PTPN14: variants seen among roughly 807,000 people sequenced by gnomAD.
PTPN14 encodes tyrosine-protein phosphatase non-receptor type 14.
Under a neutral mutation model 126.8 loss-of-function variants are expected in PTPN14, and 53 were observed. The ratio of observed to expected loss-of-function variants is 0.42; its 90% CI spans 0.34 to 0.53. The LOEUF (loss-of-function observed/expected upper bound fraction) is 0.53. Among genes scored for constraint, PTPN14 ranks in the 20% least tolerant of loss-of-function variants. PTPN14 has a pLI of 0.08. For missense variants in PTPN14, 1,257 were observed against 1,552.9 expected (o/e 0.81, Z 3.20); for synonymous variants, 630 against 599.3 (o/e 1.05, Z -0.75).
intron 4 of PTPN14, 130 bp downstream of exon 4, chr1:214,414,499 A>C: frequency 1.2e-6 from 1 of 863,578 alleles, no homozygotes; most frequent in Non-Finnish European, 1.8e-6. Context: ...CACGTAAGAT[A>C]ACTTGAAATA....
At chr1:214,544,699 C>T (rs939756255) in intron 1 of PTPN14, among the ~76,000 whole-genome samples, 5 of 151,518 alleles carry the variant, frequency 3.3e-5, no homozygotes, top group African/African-American at 9.7e-5. Context: ...TGCAGTGAGC[C>T]GAGATAGCAC....
chr1:214,536,888 T>TA (rs894597782), intron 1 of PTPN14, among the ~76,000 whole-genome samples: 1 of 152,170 alleles, frequency 6.6e-6, no homozygotes, highest in Non-Finnish European at 1.5e-5. Context: ...CGCCAACCTA[T>TA]AAAAAACATC....
intron 1 of PTPN14, among the ~76,000 whole-genome samples, chr1:214,506,522 A>AAAATAAATAAAT (rs374058238): frequency 2.7e-5 from 4 of 150,694 alleles, no homozygotes; most frequent in Non-Finnish European, 4.4e-5. Context: ...CTAAAAGAAG[A>AAAATAAATAAAT]AAATAAATAA....
intron 3 of PTPN14, among the ~76,000 whole-genome samples, chr1:214,427,970 G>T (rs1463144326): frequency 1.3e-5 from 2 of 152,206 alleles, no homozygotes; most frequent in African/African-American, 4.8e-5. Context: ...GAAAAGGCAG[G>T]AAGTGGTACA....
chr1:214,427,242 C>T (rs1297558896), intron 3 of PTPN14, among the ~76,000 whole-genome samples: 2 of 131,866 alleles, frequency 1.5e-5, no homozygotes, highest in Admixed American at 1.7e-4. Context: ...CGTGCCACTG[C>T]ACTCCAGCTT....
At chr1:214,509,324 T>G (rs1654914810) in intron 1 of PTPN14, among the ~76,000 whole-genome samples, 1 of 152,228 alleles carries the variant, frequency 6.6e-6, no homozygotes, top group Admixed American at 6.5e-5. Flanking sequence ...AACTTGCACT[T>G]TCATGTTATG....
intron 10 of PTPN14, among the ~76,000 whole-genome samples, chr1:214,392,194 A>C (rs111850497): frequency 5.9e-5 from 9 of 151,364 alleles, no homozygotes; most frequent in Admixed American, 2.0e-4. Flanking sequence ...GAGAGAGAGA[A>C]AGAGAGAGAG....
chr1:214,359,299 C>T (rs534648593), intron 18 of PTPN14, among the ~76,000 whole-genome samples: 7 of 149,916 alleles, frequency 4.7e-5, no homozygotes, highest in South Asian at 2.1e-4. Context: ...CTATAACCTC[C>T]GCCTCCCAGG....
At chr1:214,419,770 T>C (rs1659503022) in intron 3 of PTPN14, among the ~76,000 whole-genome samples, 2 of 152,138 alleles carry the variant, frequency 1.3e-5, no homozygotes, top group Admixed American at 6.5e-5. Flanking sequence ...AAATCTTAGA[T>C]TGACAGAGAT....
intron 1 of PTPN14, among the ~76,000 whole-genome samples, chr1:214,478,054 A>G (rs1660903774): frequency 6.6e-6 from 1 of 152,212 alleles, no homozygotes; most frequent in Non-Finnish European, 1.5e-5. Flanking sequence ...AGTTTTATAT[A>G]TTATTTGCAC....
intron 1 of PTPN14, among the ~76,000 whole-genome samples, chr1:214,490,898 GGAAGGGGAAGGAAGGGAAGGAAAGAAA>G (rs1661222369): frequency 4.3e-5 from 1 of 23,384 alleles, no homozygotes; most frequent in Non-Finnish European, 1.0e-4. Context: ...GGGAGGGGAG[GGAAGGGGAAGGAAGGGAAGGAAAGAAA>G]GGAAGGAAAG....
intron 5 of PTPN14, among the ~76,000 whole-genome samples, 177 bp downstream of exon 5, chr1:214,411,507 C>A (rs1326907366): frequency 6.6e-6 from 1 of 152,102 alleles, no homozygotes; most frequent in Non-Finnish European, 1.5e-5. Context: ...TGTCTTGAGG[C>A]AGAAGAAGGC....
chr1:214,368,362 T>TG (rs1273938805), intron 17 of PTPN14, among the ~76,000 whole-genome samples: 1 of 151,972 alleles, frequency 6.6e-6, no homozygotes, highest in Non-Finnish European at 1.5e-5. Context: ...CCACCACACC[T>TG]GGCTAATTTT....
chr1:214,385,996 T>C (rs1201245539), intron 12 of PTPN14, among the ~76,000 whole-genome samples: 1 of 152,240 alleles, frequency 6.6e-6, no homozygotes, highest in African/African-American at 2.4e-5. Context: ...CAGGAGTTGA[T>C]AACGTAGAAA....
intron 16 of PTPN14, among the ~76,000 whole-genome samples, chr1:214,371,167 C>G (rs537009070): frequency 1.3e-5 from 2 of 152,300 alleles, no homozygotes; most frequent in Non-Finnish European, 2.9e-5. Context: ...ACTCCGGTCT[C>G]ACCTCCAATG....
intron 1 of PTPN14, among the ~76,000 whole-genome samples, chr1:214,518,235 G>A (rs1186159404): frequency 6.6e-6 from 1 of 152,126 alleles, no homozygotes; most frequent in Non-Finnish European, 1.5e-5. Flanking sequence ...ATGTAAAAAT[G>A]TCAGAGATAT....
chr1:214,516,746 T>TA (rs56825299), intron 1 of PTPN14, among the ~76,000 whole-genome samples: 9,329 of 151,362 alleles, frequency 0.062, 911 homozygotes, highest in African/African-American at 0.21. Context: ...ATTTTGATAT[T>TA]AAAAAAAAAC....
chr1:214,411,056 T>C lies in PTPN14; in HGVS notation c.510+628A>G, dbSNP rs78910151. Among the ~76,000 whole-genome samples, 1,391 of 152,346 alleles carry C rather than the reference T, an allele frequency of 9.1e-3. 20 individuals are homozygous for C. The highest frequency in any genetic ancestry group is 0.03 in the African/African-American group (1,252 of 41,580). On this transcript the variant is annotated intron_variant, in intron 5 of 18. Transcript: ENST00000366956. ...ACTTTTGGCAGACATTTTAACAATATTGATTCTTCCAATCCACGAAGATGG... is the reference window on the plus strand; with the variant it reads ...ACTTTTGGCAGACATTTTAACAATACTGATTCTTCCAATCCACGAAGATGG...
At chr1:214,451,252 C>T (rs529958197) in intron 3 of PTPN14, among the ~76,000 whole-genome samples, 1 of 152,298 alleles carries the variant, frequency 6.6e-6, no homozygotes, top group East Asian at 1.9e-4. Context: ...CCTTGAACTT[C>T]TGGGCTCAAG....
Sources: gnomAD v4.1 joint callset for allele counts (sites outside exome capture counted in the v4.1 genomes callset) on GRCh38, gnomAD v4.1.1 for gene constraint, MANE v1.5 for transcripts, NCBI Gene and HGNC (gene_info 2026-07-23, HGNC 2026-07-21) for gene names.